CAPRIN1: variants seen among roughly 807,000 people sequenced by gnomAD.
CAPRIN1 encodes caprin-1.
CAPRIN1 carries 29 observed loss-of-function variants against 100.9 expected under a neutral mutation model. The ratio of observed to expected loss-of-function variants is 0.29; its 90% CI spans 0.21 to 0.39. The LOEUF is 0.39. Among genes scored for constraint, CAPRIN1 ranks in the 10% least tolerant of loss-of-function variants. The pLI, the probability that CAPRIN1 is intolerant of heterozygous loss-of-function variation, is 1.00. For missense variants in CAPRIN1, 795 were observed against 876.7 expected (o/e 0.91, Z 1.18); for synonymous variants, 338 against 307.5 (o/e 1.10, Z -1.04).
Position 34,076,344 on chromosome 11 carries a change from T to C in CAPRIN1, c.475T>C (p.Leu159=), listed in dbSNP as rs1008869426. 2 of 1,614,136 alleles carry C rather than the reference T, an allele frequency of 1.2e-6. No homozygotes were observed. Among genetic ancestry groups the C allele is most frequent in the South Asian group, 1.1e-5 (1 of 91,080 alleles). ...VLELQYVLDK[L]GDDEVRTDLK... ...TGAGCTACAGTATGTTTTGGACAAA[T>C]TGGGAGATGATGAAGTGCGGACTGA... Residue 159 remains leucine (L), a synonymous_variant, in exon 5 of 19, where the codon TTG becomes CTG. Transcript: ENST00000341394.
At chr11:34,082,288 A>G (rs1441595896) in intron 7 of CAPRIN1, among the ~76,000 whole-genome samples, 2 of 151,942 alleles carry the variant, frequency 1.3e-5, no homozygotes, top group African/African-American at 2.4e-5. Context: ...CCCAGGTTCA[A>G]GCGATTCTCC....
chr11:34,053,061 C>T lies in CAPRIN1; in HGVS notation c.216+425C>T, dbSNP rs569128706. 139 of 1,030,650 alleles carry T rather than the reference C, an allele frequency of 1.3e-4. No homozygotes were observed. The African/African-American group carries it at 2.3e-3, about 17-fold the overall frequency. 63.8% of individuals were successfully genotyped at this position (1,030,650 alleles called of 1,614,324 possible). ...GGGGGCTCCGGGTTCAACCGACCGC[C>T]TCGTGGAGTTGGGGCGGCCTGCGTC... On this transcript the variant is annotated intron_variant, in intron 2 of 18. Transcript: ENST00000341394.
chr11:34,073,754 A>G (rs1850850068), intron 4 of CAPRIN1, among the ~76,000 whole-genome samples: 1 of 152,202 alleles, frequency 6.6e-6, no homozygotes, highest in Non-Finnish European at 1.5e-5. Context: ...ATTACTTATT[A>G]CATCTGATCA....
chr11:34,062,630 A>G (rs2134091236), intron 2 of CAPRIN1, among the ~76,000 whole-genome samples: 1 of 151,828 alleles, frequency 6.6e-6, no homozygotes, highest in Middle Eastern at 3.4e-3. Flanking sequence ...GTCTCAAAAA[A>G]AAAAAAAAAA....
chr11:34,071,154 C>T (rs1451493167), intron 2 of CAPRIN1, among the ~76,000 whole-genome samples: 1 of 152,176 alleles, frequency 6.6e-6, no homozygotes, highest in Non-Finnish European at 1.5e-5. Context: ...GAGCCATATG[C>T]CTAGTCCATC....
At chr11:34,060,195 CAAAAAAA>C (rs1175800677) in intron 2 of CAPRIN1, among the ~76,000 whole-genome samples, 6 of 40,476 alleles carry the variant, frequency 1.5e-4, no homozygotes, top group Admixed American at 1.1e-3. Context: ...TACTCCATCT[CAAAAAAA>C]AAAAAAAAAA....
chr11:34,091,622 A>C (rs935415858), intron 14 of CAPRIN1: 4 of 220,858 alleles, frequency 1.8e-5, no homozygotes, highest in African/African-American at 6.9e-5. Context: ...TCATATATGT[A>C]AAAGCATTTC....
chr11:34,098,112 G>T, intron 18 of CAPRIN1: 1 of 1,009,794 alleles, frequency 9.9e-7, no homozygotes, highest in Non-Finnish European at 1.2e-6. Context: ...GAATGAGATT[G>T]AACATTTATA....
chr11:34,093,678 A>G (rs1851307532), intron 15 of CAPRIN1, among the ~76,000 whole-genome samples: 1 of 152,178 alleles, frequency 6.6e-6, no homozygotes, highest in Non-Finnish European at 1.5e-5. Context: ...CAGCTTCCAA[A>G]TGATAAAAAC....
At chr11:34,097,909 T>G (rs1037948402) in intron 18 of CAPRIN1, 148 bp downstream of exon 18, 1 of 1,405,784 alleles carries the variant, frequency 7.1e-7, no homozygotes, top group Non-Finnish European at 9.3e-7. Context: ...TTTCTAAAAC[T>G]TAATCTTGGA....
intron 11 of CAPRIN1, among the ~76,000 whole-genome samples, chr11:34,087,598 G>A (rs932357176): frequency 1.6e-5 from 2 of 122,662 alleles, no homozygotes; most frequent in Admixed American, 7.6e-5. Context: ...CTCCCAAAGT[G>A]CTGGGATTAC....
Position 34,052,441 on chromosome 11 carries a change from C to T in CAPRIN1, c.21C>T (p.His7=), listed in dbSNP as rs377211527. ...TGAAGATGCCCTCGGCCACCAGCCA[C>T]AGCGGGAGCGGCAGCAAGTCGTCCG... MPSATS[H]SGSGSKSSGP... Residue 7 remains histidine (H), a synonymous_variant, in exon 2 of 19, where the codon CAC becomes CAT. Coordinates refer to ENST00000341394, the MANE Select transcript of CAPRIN1 (RefSeq NM_005898.5). 4.9e-4 allele frequency: 781 copies of T among 1,607,718 alleles called. 5 individuals carry two copies. The South Asian group carries it at 8.0e-3, about 16-fold the overall frequency.
chr11:34,060,040 T>C (rs1039805402), intron 2 of CAPRIN1, among the ~76,000 whole-genome samples: 1 of 151,138 alleles, frequency 6.6e-6, no homozygotes, highest in African/African-American at 2.4e-5. Context: ...ATTAAAAATA[T>C]GAAAAATTAG....
At chr11:34,074,506 T>G (rs896111755) in intron 4 of CAPRIN1, among the ~76,000 whole-genome samples, 10 of 152,216 alleles carry the variant, frequency 6.6e-5, no homozygotes, top group Non-Finnish European at 1.0e-4. Flanking sequence ...AGAATAGCTT[T>G]CTTTCTTATC....
At chr11:34,054,019 C>T (rs1850394278) in intron 2 of CAPRIN1, among the ~76,000 whole-genome samples, 1 of 152,158 alleles carries the variant, frequency 6.6e-6, no homozygotes, top group South Asian at 2.1e-4. Context: ...AATAGTGTTA[C>T]TTGAGGTGCT....
At chr11:34,098,532 C>T in intron 18 of CAPRIN1, 1 of 985,268 alleles carries the variant, frequency 1.0e-6, no homozygotes, top group African/African-American at 1.7e-5. Context: ...CTCTATTGGC[C>T]ATAACATGTA....
chr11:34,071,479 A>G (rs1265764867), intron 2 of CAPRIN1, among the ~76,000 whole-genome samples: 3 of 152,242 alleles, frequency 2.0e-5, no homozygotes, highest in African/African-American at 7.2e-5. Flanking sequence ...GCAGTAGAAT[A>G]GCTTGAACGT....
intron 15 of CAPRIN1, among the ~76,000 whole-genome samples, chr11:34,093,544 G>A (rs1258734023): frequency 6.6e-6 from 1 of 152,092 alleles, no homozygotes; most frequent in African/African-American, 2.4e-5. Context: ...CAATTTCTTG[G>A]TAAACTTGGA....
intron 11 of CAPRIN1, among the ~76,000 whole-genome samples, chr11:34,088,395 T>C (rs1851192668): frequency 1.3e-5 from 2 of 152,148 alleles, no homozygotes; most frequent in Non-Finnish European, 2.9e-5. Context: ...GTATGGTAGC[T>C]CATGCCTGTA....
Sources: allele counts gnomAD v4.1 joint callset (sites outside exome capture counted in the v4.1 genomes callset), GRCh38; gene constraint gnomAD v4.1.1; transcripts MANE v1.5; gene names NCBI Gene and HGNC (gene_info 2026-07-23, HGNC 2026-07-21).